The following C1orf174 variants were observed in gnomAD, a reference collection of about 807,000 sequenced individuals.
The protein encoded by C1orf174 is chromosome 1 open reading frame 174.
Under a neutral mutation model 18.4 loss-of-function variants are expected in C1orf174, and 13 were observed. That is an observed-to-expected ratio of 0.71 (90% confidence interval 0.46 to 1.12). The LOEUF (loss-of-function observed/expected upper bound fraction) is 1.12. C1orf174 is among the 50% of genes most tolerant of loss of function. The probability of loss-of-function intolerance (pLI) is 0.00; values close to 1 mark genes in which losing one functional copy is unlikely to be tolerated. For synonymous variants in C1orf174, 100 were observed against 118.3 expected (o/e 0.85, Z 1.01); for missense variants, 309 against 308.0 (o/e 1.00, Z -0.02).
intron 1 of C1orf174, 25 bp from the exon 2 acceptor site, chr1:3,893,021 A>G (rs761492780): frequency 8.1e-6 from 13 of 1,610,086 alleles, no homozygotes; most frequent in Non-Finnish European, 1.1e-5. Context: ...AGCCACTCAG[A>G]GAGTGCTCTC....
chr1:3,891,420 G>T (rs919272631), intron 2 of C1orf174: 1 of 221,700 alleles, frequency 4.5e-6, no homozygotes, highest in Non-Finnish European at 8.4e-6. Context: ...TTCTGCTAGG[G>T]CATAAGCTCT....
chr1:3,894,183 G>A (rs1399758719), intron 1 of C1orf174, among the ~76,000 whole-genome samples: 1 of 152,124 alleles, frequency 6.6e-6, no homozygotes, highest in Non-Finnish European at 1.5e-5. Context: ...GACATGGCCG[G>A]GAAAGGCCCA....
intron 1 of C1orf174, among the ~76,000 whole-genome samples, chr1:3,899,299 C>A (rs1338730413): frequency 6.6e-6 from 1 of 152,202 alleles, no homozygotes; most frequent in Non-Finnish European, 1.5e-5. Context: ...CTACAGGAGA[C>A]AAGTTTTGGT....
chr1:3,893,675 G>C (rs145544758), intron 1 of C1orf174, among the ~76,000 whole-genome samples: 2 of 152,292 alleles, frequency 1.3e-5, no homozygotes, highest in Non-Finnish European at 2.9e-5. Flanking sequence ...TAGGAGGATC[G>C]CTCGAGCCCA....
chr1:3,895,124 G>A (rs1339771543), intron 1 of C1orf174, among the ~76,000 whole-genome samples: 1 of 152,228 alleles, frequency 6.6e-6, no homozygotes, highest in Non-Finnish European at 1.5e-5. Flanking sequence ...TCCTCCGGGC[G>A]CTTTGCTGCT....
chr1:3,898,423 A>G (rs1204897507), intron 1 of C1orf174, among the ~76,000 whole-genome samples: 1 of 152,074 alleles, frequency 6.6e-6, no homozygotes, highest in African/African-American at 2.4e-5. Context: ...GGTGAGAATC[A>G]CTTGAACCCG....
chr1:3,891,182 G>C (rs1050112390), intron 2 of C1orf174, 125 bp from the exon 3 acceptor site: 7 of 1,258,486 alleles, frequency 5.6e-6, no homozygotes, highest in Middle Eastern at 2.1e-4. Flanking sequence ...AACTTTCACA[G>C]ATCGTCATTT....
chr1:3,893,982 T>C (rs995378139), intron 1 of C1orf174, among the ~76,000 whole-genome samples: 2 of 152,238 alleles, frequency 1.3e-5, no homozygotes, highest in Non-Finnish European at 2.9e-5. Context: ...CTACAGGACA[T>C]TGTCAACATT....
intron 1 of C1orf174, among the ~76,000 whole-genome samples, chr1:3,897,952 C>T (rs994529983): frequency 3.7e-4 from 57 of 152,162 alleles, no homozygotes; most frequent in African/African-American, 1.3e-3. Flanking sequence ...CGTGAGCCAC[C>T]GTGCCTGGCC....
chr1:3,899,116 G>A (rs78729430), intron 1 of C1orf174, among the ~76,000 whole-genome samples: 6,214 of 152,232 alleles, frequency 0.041, 182 homozygotes, highest in Non-Finnish European at 0.06. Context: ...TCCACTTAAA[G>A]AAGGAACAGG....
At chr1:3,898,538 A>T (rs1638648738) in intron 1 of C1orf174, among the ~76,000 whole-genome samples, 1 of 94,826 alleles carries the variant, frequency 1.1e-5, no homozygotes, top group Non-Finnish European at 2.2e-5. Flanking sequence ...CAACAACAAC[A>T]ACAACAACAA....
At chr1:3,897,589 G>A (rs1239408920) in intron 1 of C1orf174, among the ~76,000 whole-genome samples, 2 of 152,016 alleles carry the variant, frequency 1.3e-5, no homozygotes, top group African/African-American at 4.8e-5. Flanking sequence ...CAGAGAGAAA[G>A]GAGCAGAAAA....
intron 1 of C1orf174, among the ~76,000 whole-genome samples, chr1:3,899,183 C>T (rs1638661613): frequency 6.6e-6 from 1 of 152,132 alleles, no homozygotes; most frequent in African/African-American, 2.4e-5. Flanking sequence ...CAAATGTAAA[C>T]CTAACTACAG....
chr1:3,896,449 T>A (rs889608922), intron 1 of C1orf174, among the ~76,000 whole-genome samples: 1 of 152,194 alleles, frequency 6.6e-6, no homozygotes, highest in African/African-American at 2.4e-5. Context: ...GAGGAGCCCA[T>A]TACTGTCCTC....
chr1:3,890,845 C>T lies in C1orf174; in HGVS notation c.342G>A (p.Gln114=), dbSNP rs1367507125. Residue 114 remains glutamine (Q), a synonymous_variant, in exon 3 of 4, where the codon CAG becomes CAA. Transcript: ENST00000361605. ...CACCGAGAGGAAGACTTGCAGCCCC[C>T]TGCTGCACAGAAACGCCAGCCTCGC... ...PGSEAGVSVQ[Q]GAASLPLGGC... 1.2e-6 allele frequency: 2 copies of T among 1,613,498 alleles called. No homozygotes were observed. Among genetic ancestry groups the T allele is most frequent in the African/African-American group, 1.3e-5 (1 of 74,902 alleles).
rs1638444866 is a variant in C1orf174, at chr1:3,889,443, C to G, written c.*517G>C. ...GGGCATGGTGGCTCGCGCCTGTAAT[C>G]CCAGCACTTTGGGAGGCTGAGGCGG... On this transcript the variant is annotated 3_prime_UTR_variant, in exon 4 of 4. Transcript: ENST00000361605. 6.4e-6 allele frequency: 1 copy of G among 156,810 alleles called. No homozygotes were observed. The highest frequency in any genetic ancestry group is 2.4e-5 in the African/African-American group (1 of 41,486). 9.7% of individuals were successfully genotyped at this position (156,810 alleles called of 1,614,324 possible). A position where few individuals can be genotyped will look rare whatever the true frequency, so the allele number is the denominator to read the frequency against.
chr1:3,892,663 C>T lies in C1orf174; in HGVS notation c.129+220G>A, dbSNP rs113598275. On this transcript the variant is annotated intron_variant, in intron 2 of 3. Transcript: ENST00000361605. ...CAGAGCCCGGGTCTAGACACACACA[C>T]GGGTGGGCGGGTGCTAGGAGAGCCA... The T allele has an allele frequency of 1.7e-3, 2,362 of 1,378,696 alleles. 36 individuals carry two copies. The African/African-American group carries it at 0.032, about 18-fold the overall frequency. The allele number at this position is 1,378,696 out of a possible 1,614,324, so 85.4% of individuals were successfully genotyped here.
intron 1 of C1orf174, among the ~76,000 whole-genome samples, chr1:3,897,167 A>C (rs1638620440): frequency 1.3e-5 from 2 of 152,246 alleles, no homozygotes; most frequent in Non-Finnish European, 2.9e-5. Context: ...GTAGGCTCAT[A>C]CACTGGAATA....
chr1:3,889,815 T>G lies in C1orf174; in HGVS notation c.*145A>C, dbSNP rs1037266851. 1 of 759,450 alleles carries G rather than the reference T, an allele frequency of 1.3e-6. No homozygotes were observed. Among genetic ancestry groups the G allele is most frequent in the African/African-American group, 1.7e-5 (1 of 57,794 alleles). The allele number at this position is 759,450 out of a possible 1,614,324, so 47.0% of individuals were successfully genotyped here. ...TACATCCTCCACAGGTATTGGGTGC[T>G]TTGCACTATTGACTTAGATGGGTCA... On this transcript the variant is annotated 3_prime_UTR_variant, in exon 4 of 4. Coordinates refer to ENST00000361605, the MANE Select transcript of C1orf174 (RefSeq NM_207356.3).
Sources: allele counts gnomAD v4.1 joint callset (sites outside exome capture counted in the v4.1 genomes callset), GRCh38; gene constraint gnomAD v4.1.1; transcripts MANE v1.5; gene names NCBI Gene and HGNC (gene_info 2026-07-23, HGNC 2026-07-21).